Variants in NRG1 observed in about 807,000 individuals in gnomAD.
NRG1 encodes neuregulin 1.
A neutral mutation model predicts 63.8 loss-of-function variants in NRG1; 18 were observed. The observed-to-expected ratio is 0.28, with a 90% CI of 0.19 to 0.42. NRG1 has a LOEUF of 0.42. Among genes scored for constraint, NRG1 ranks in the 10% least tolerant of loss-of-function variants. NRG1 has a pLI of 1.00. For synonymous variants in NRG1, 302 were observed against 301.3 expected (o/e 1.00, Z -0.02); for missense variants, 762 against 814.7 (o/e 0.94, Z 0.79).
chr8:32,449,038 T>C (rs2129487961), intron 1 of NRG1, among the ~76,000 whole-genome samples: 1 of 152,258 alleles, frequency 6.6e-6, no homozygotes, highest in South Asian at 2.1e-4. Context: ...CTCACGCCTC[T>C]AATCCCAACG....
intron 1 of NRG1, among the ~76,000 whole-genome samples, chr8:32,008,906 C>A (rs893827086): frequency 6.6e-6 from 1 of 152,046 alleles, no homozygotes; most frequent in African/African-American, 2.4e-5. Flanking sequence ...CTGGGAAAAT[C>A]TGCACATCAC....
chr8:32,073,457 G>T (rs1826043985), intron 1 of NRG1, among the ~76,000 whole-genome samples: 1 of 152,090 alleles, frequency 6.6e-6, no homozygotes, highest in Non-Finnish European at 1.5e-5. Flanking sequence ...TTAAAAAGCA[G>T]AATTCCATCC....
chr8:32,232,057 C>T (rs1402735214), intron 1 of NRG1, among the ~76,000 whole-genome samples: 2 of 151,620 alleles, frequency 1.3e-5, no homozygotes, highest in Non-Finnish European at 3.0e-5. Context: ...ATGCACATCA[C>T]CATGCCTGGT....
At chr8:31,731,226 GTGT>G (rs1442900231) in intron 1 of NRG1, among the ~76,000 whole-genome samples, 1 of 152,052 alleles carries the variant, frequency 6.6e-6, no homozygotes, top group Non-Finnish European at 1.5e-5. Context: ...TATACAAAGG[GTGT>G]TTACAGAAAT....
intron 1 of NRG1, among the ~76,000 whole-genome samples, chr8:32,202,663 G>A (rs907732603): frequency 2.0e-5 from 3 of 151,898 alleles, no homozygotes; most frequent in Admixed American, 1.3e-4. Flanking sequence ...GAAGGGGAAC[G>A]GGAGAGGGGA....
chr8:32,355,963 G>A (rs907132555), intron 1 of NRG1, among the ~76,000 whole-genome samples: 1 of 152,090 alleles, frequency 6.6e-6, no homozygotes, highest in East Asian at 1.9e-4. Flanking sequence ...GTGCACGTGC[G>A]CGTGTGTGTG....
chr8:32,759,421 A>G, exon 10 of NRG1: 1 of 1,613,620 alleles, frequency 6.2e-7, no homozygotes, highest in Non-Finnish European at 8.5e-7. Context: ...ACTGTCACCC[A>G]GACTCCTAGC....
intron 1 of NRG1, among the ~76,000 whole-genome samples, chr8:32,070,710 C>T (rs192986937): frequency 3.9e-4 from 59 of 152,274 alleles, no homozygotes; most frequent in Admixed American, 3.7e-3. Flanking sequence ...GAGCAATAGC[C>T]GGTAACCATG....
intron 2 of NRG1, among the ~76,000 whole-genome samples, chr8:32,597,902 T>C (rs564106984): frequency 6.6e-6 from 1 of 152,280 alleles, no homozygotes; most frequent in East Asian, 1.9e-4. Flanking sequence ...AGTATGATTC[T>C]TACAAAGAAG....
chr8:31,646,232 T>C (rs1330371265), intron 1 of NRG1, among the ~76,000 whole-genome samples: 2 of 152,240 alleles, frequency 1.3e-5, no homozygotes, highest in Non-Finnish European at 2.9e-5. Context: ...TGCCCTGGCT[T>C]GCTGGGAACA....
rs5890598 is a variant in NRG1 at position 31,800,837 on chromosome 8, C to CTTTTTTTT, written c.37+161420_37+161427dup. ...GATTTAGATTTCTCCAGTCTCCTTTCTTTTTTTTTTTTTTTTTTTTTGAGA... is the reference window on the plus strand; with the variant it reads ...GATTTAGATTTCTCCAGTCTCCTTTCTTTTTTTTTTTTTTTTTTTTTTTTTTTTTGAGA... On this transcript the variant is annotated intron_variant, in intron 1 of 10. Transcript: ENST00000519301. Among the ~76,000 whole-genome samples, 339 of 105,016 alleles carry CTTTTTTTT rather than the reference C, an allele frequency of 3.2e-3. 19 individuals carry two copies. Among genetic ancestry groups the CTTTTTTTT allele is most frequent in the African/African-American group, 0.012 (313 of 26,666 alleles). The allele number at this position is 105,016 out of a possible 152,430, so 68.9% of individuals were successfully genotyped here.
At chr8:31,775,765 C>T (rs1376150801) in intron 1 of NRG1, among the ~76,000 whole-genome samples, 2 of 151,358 alleles carry the variant, frequency 1.3e-5, no homozygotes, top group Non-Finnish European at 2.9e-5. Flanking sequence ...TGCCTGTAGT[C>T]CCAGCTACTC....
chr8:32,495,564 G>A (rs1213379418), intron 1 of NRG1, among the ~76,000 whole-genome samples: 1 of 152,096 alleles, frequency 6.6e-6, no homozygotes, highest in Non-Finnish European at 1.5e-5. Flanking sequence ...CCAGGTTGAA[G>A]GGATTCTCCT....
At chr8:31,659,133 G>T (rs1340685732) in intron 1 of NRG1, among the ~76,000 whole-genome samples, 1 of 152,150 alleles carries the variant, frequency 6.6e-6, no homozygotes, top group Non-Finnish European at 1.5e-5. Context: ...GGTGAATCAT[G>T]TCTGGAGAAG....
rs74302129 is a variant in NRG1, at chr8:31,790,903, T to A, written c.37+151472T>A. 3.7e-4 allele frequency among the ~76,000 whole-genome samples: 56 copies of A among 152,238 alleles called. No homozygotes were observed. The East Asian group carries it at 0.01, about 27-fold the overall frequency. On this transcript the variant is annotated intron_variant, in intron 1 of 10. Transcript: ENST00000519301. ...CATGATTCTCAGCACAGAACTCTTT[T>A]TCTCTTGTAGAAAAGATAGCAAATA...
chr8:32,143,681 G>T (rs1836544730), intron 1 of NRG1, among the ~76,000 whole-genome samples: 1 of 152,224 alleles, frequency 6.6e-6, no homozygotes, highest in African/African-American at 2.4e-5. Context: ...CTTGAGCCTG[G>T]TGCCTACCTA....
intron 1 of NRG1, among the ~76,000 whole-genome samples, chr8:32,492,553 A>G (rs563522921): frequency 6.6e-6 from 1 of 152,132 alleles, no homozygotes; most frequent in South Asian, 2.1e-4. Context: ...ATATCATCCT[A>G]TGGAGAGATG....
At chr8:32,047,332 C>T (rs901390726) in intron 1 of NRG1, among the ~76,000 whole-genome samples, 2 of 151,932 alleles carry the variant, frequency 1.3e-5, no homozygotes, top group Non-Finnish European at 2.9e-5. Flanking sequence ...CTACTGACAA[C>T]CTGAACGTTT....
intron 1 of NRG1, among the ~76,000 whole-genome samples, chr8:32,395,565 T>C (rs1324829889): frequency 6.6e-6 from 1 of 152,182 alleles, no homozygotes; most frequent in Non-Finnish European, 1.5e-5. Flanking sequence ...GCAAATCTTT[T>C]GCCCATTTAT....
Sources: gnomAD v4.1 joint callset for allele counts (sites outside exome capture counted in the v4.1 genomes callset) on GRCh38, gnomAD v4.1.1 for gene constraint, MANE v1.5 for transcripts, NCBI Gene and HGNC (gene_info 2026-07-23, HGNC 2026-07-21) for gene names.